Variants in ERN2 observed in about 807,000 individuals in gnomAD.
ERN2 encodes the protein serine/threonine-protein kinase/endoribonuclease IRE2.
Under a neutral mutation model 107.9 loss-of-function variants are expected in ERN2, and 111 were observed. That is an observed-to-expected ratio of 1.03 (90% CI 0.88 to 1.20). The LOEUF (loss-of-function observed/expected upper bound fraction) is 1.20. Among genes scored for constraint, ERN2 ranks in the 50% most tolerant of loss-of-function variants. The pLI is 0.00. For missense variants in ERN2, 1,225 were observed against 1,197.9 expected, an observed-to-expected ratio of 1.02 and a Z score of -0.33; for synonymous variants, 524 against 501.7, an observed-to-expected ratio of 1.04 and a Z score of -0.59.
intron 13 of ERN2, among the ~76,000 whole-genome samples, chr16:23,699,741 T>C (rs972286744): frequency 5.3e-5 from 8 of 152,170 alleles, no homozygotes; most frequent in Non-Finnish European, 8.8e-5. Context: ...CTTTAGTCTT[T>C]AGAAGACTAA....
At chr16:23,705,651 G>T (rs1960274917) in intron 7 of ERN2, among the ~76,000 whole-genome samples, 1 of 152,090 alleles carries the variant, frequency 6.6e-6, no homozygotes, top group South Asian at 2.1e-4. Context: ...GGTGGCTTAT[G>T]CTCGTAATCC....
chr16:23,703,896 T>C (rs1960194766), intron 8 of ERN2, among the ~76,000 whole-genome samples: 1 of 152,204 alleles, frequency 6.6e-6, no homozygotes, highest in Non-Finnish European at 1.5e-5. Flanking sequence ...CCATGGCATC[T>C]TATACTACTT....
chr16:23,707,031 T>G lies in ERN2; in HGVS notation c.355A>C (p.Ser119Arg). The G allele has an allele frequency of 6.2e-7, 1 of 1,614,060 alleles. No individual in the cohort carries two copies. The highest frequency in any genetic ancestry group is 8.5e-7 in the Non-Finnish European group (1 of 1,179,986). Residue 119 changes from serine (S) to arginine (R), a missense_variant, in exon 5 of 22, where the codon AGC becomes CGC. Transcript: ENST00000256797. ...PELVHASPCR[S>R]SDGVFYTGRK... ...CCTGTGTAGAAGACCCCATCAGAGC[T>G]GCGGCAGGGAGAGGCATGAACCAGC...
chr16:23,691,472 A>C (rs375704168), intron 19 of ERN2, 47 bp from the exon 20 acceptor site: 150 of 1,584,682 alleles, frequency 9.5e-5, no homozygotes, highest in African/African-American at 9.0e-4. Context: ...GCCAGAGGCC[A>C]CATAGCCAGG....
At position 23,701,037 on chromosome 16, in the gene ERN2, C is replaced by G. The variant is rs1175691264; in HGVS notation, c.1281G>C (p.Gly427=). ...PEEKTPDSYL[G]LGPQDLLAAS... ...CTGCCAGCAGGTCTTGGGGTCCCAG[C>G]CCCAAGTAAGAGTCTGGAGTTTTTT... Residue 427 remains glycine, a synonymous_variant, in exon 12 of 22, where the codon GGG becomes GGC. Transcript: ENST00000256797. 4 of 1,614,122 alleles carry G rather than the reference C, an allele frequency of 2.5e-6. No homozygotes were observed.
chr16:23,702,778 C>T, intron 8 of ERN2, 76 bp from the exon 9 acceptor site: 2 of 1,239,960 alleles, frequency 1.6e-6, no homozygotes, highest in South Asian at 2.4e-5. Context: ...GTACTCATGC[C>T]CTTGTATATT....
chr16:23,709,976 C>T (rs1481037095), intron 4 of ERN2, 196 bp downstream of exon 4: 1 of 568,956 alleles, frequency 1.8e-6, no homozygotes, highest in Non-Finnish European at 3.2e-6. Flanking sequence ...GTCAGATTGC[C>T]CTGCAGACAC....
chr16:23,710,791 G>T, intron 2 of ERN2, 122 bp downstream of exon 2: 1 of 852,012 alleles, frequency 1.2e-6, no homozygotes, highest in Non-Finnish European at 1.9e-6. Flanking sequence ...AAGCAGTGAA[G>T]CTGCCTGTAG....
At chr16:23,703,149 G>A (rs903028827) in intron 8 of ERN2, among the ~76,000 whole-genome samples, 4 of 152,024 alleles carry the variant, frequency 2.6e-5, no homozygotes. Flanking sequence ...TCTGTTTTGG[G>A]GCAATTTGTT....
intron 5 of ERN2, 28 bp downstream of exon 5, chr16:23,706,979 G>A: frequency 1.2e-6 from 2 of 1,607,154 alleles, no homozygotes; most frequent in East Asian, 4.5e-5. Flanking sequence ...GGCTGAACCT[G>A]GACCCCACAG....
In ERN2 at chr16:23,709,959, C is replaced by T. The variant is rs192174814; in HGVS notation, c.306+213G>A. 120 of 545,792 alleles carry T rather than the reference C, an allele frequency of 2.2e-4. 1 individual carries two copies. Among genetic ancestry groups the T allele is most frequent in the African/African-American group, 1.9e-3 (101 of 52,818 alleles). The allele number at this position is 545,792 out of a possible 1,614,324, so 33.8% of individuals were successfully genotyped here. A position where few individuals can be genotyped will look rare whatever the true frequency, so the allele number is the denominator to read the frequency against. On this transcript the variant is annotated intron_variant, in intron 4 of 21. Coordinates refer to ENST00000256797, the MANE Select transcript of ERN2 (RefSeq NM_033266.4). Reference sequence around the variant, plus strand: ...GGAGAAGGCCCTGGGATACCTCCAGCTTGATAGTCAGATTGCCCTGCAGAC... The same window carrying T: ...GGAGAAGGCCCTGGGATACCTCCAGTTTGATAGTCAGATTGCCCTGCAGAC...
intron 1 of ERN2, among the ~76,000 whole-genome samples, chr16:23,711,262 C>T (rs1295107468): frequency 2.0e-5 from 3 of 152,164 alleles, no homozygotes; most frequent in African/African-American, 4.8e-5. Flanking sequence ...TTCCCAATTA[C>T]TTACCTCCTT....
chr16:23,700,605 TG>T lies in ERN2; in HGVS notation c.1458del (p.Ser487AlafsTer28). The T allele has an allele frequency of 1.2e-6, 2 of 1,614,148 alleles. No individual in the cohort carries two copies. Among genetic ancestry groups the T allele is most frequent in the Non-Finnish European group, 1.7e-6 (2 of 1,180,012 alleles). On this transcript the variant is annotated frameshift_variant, in exon 13 of 22. Transcript: ENST00000256797. LOFTEE classifies it high-confidence loss of function. ...TGAAGCCTCTTCTGGCTCCTCCGGC[TG>T]GCCCCCGAGTGCAGGGACTGGGCAT... ...SQDAQSLHSG[A>X]SRRSQKRLQS...
intron 17 of ERN2, among the ~76,000 whole-genome samples, chr16:23,693,374 G>T (rs1324001630): frequency 6.6e-6 from 1 of 151,976 alleles, no homozygotes; most frequent in Non-Finnish European, 1.5e-5. Context: ...ATCACCTGAG[G>T]GCTGGGAGTT....
rs1960232974 is a variant in ERN2, at chr16:23,704,886, A to G, written c.851T>C (p.Leu284Pro). Residue 284 changes from leucine (L) to proline (P), a missense_variant, in exon 8 of 22, where the codon CTG becomes CCG. Transcript: ENST00000256797. The part of the protein sequence containing the change: ...ATLFSTLDTQ[L>P]LMTLYVGKDE... ...GGCCCCAGGCACGAACACCTACAGC[A>G]GCTGGGTGTCCAAGGTAGAGAAGAG... 6.2e-7 allele frequency: 1 copy of G among 1,608,364 alleles called. No homozygotes were observed. Among genetic ancestry groups the G allele is most frequent in the East Asian group, 2.2e-5 (1 of 44,866 alleles).
chr16:23,702,988 G>A (rs980737033), intron 8 of ERN2, among the ~76,000 whole-genome samples: 4 of 151,862 alleles, frequency 2.6e-5, no homozygotes, highest in African/African-American at 9.7e-5. Context: ...ATCCCCCATA[G>A]GTCAAACAGT....
chr16:23,701,203 A>G, intron 11 of ERN2, 89 bp from the exon 12 acceptor site: 1 of 1,363,192 alleles, frequency 7.3e-7, no homozygotes, highest in Non-Finnish European at 1.0e-6. Context: ...AGCTGGGCTT[A>G]GCTGAAGGGG....
At chr16:23,692,906 G>C (rs754216743) in intron 17 of ERN2, among the ~76,000 whole-genome samples, 1 of 151,990 alleles carries the variant, frequency 6.6e-6, no homozygotes, top group Non-Finnish European at 1.5e-5. Flanking sequence ...TGTTTGTAGA[G>C]ATGGGTCTTC....
At position 23,706,987 on chromosome 16, in the gene ERN2, C is replaced by G; in HGVS notation, c.379+20G>C. On this transcript the variant is annotated intron_variant, in intron 5 of 21. Transcript: ENST00000256797. ...CTCTGCTGGCTGAACCTGGACCCCA[C>G]AGGCTGAAGAGATGCTCACCTGTGT... 6.2e-7 allele frequency: 1 copy of G among 1,611,936 alleles called. No individual in the cohort carries two copies. Among genetic ancestry groups the G allele is most frequent in the Non-Finnish European group, 8.5e-7 (1 of 1,177,974 alleles).
Sources: gnomAD v4.1 joint callset for allele counts (sites outside exome capture counted in the v4.1 genomes callset) on GRCh38, gnomAD v4.1.1 for gene constraint, MANE v1.5 for transcripts, NCBI Gene and HGNC (gene_info 2026-07-23, HGNC 2026-07-21) for gene names.